The following DNMT3B variants were observed in gnomAD, a reference collection of about 807,000 sequenced individuals.
The protein encoded by DNMT3B is DNA (cytosine-5)-methyltransferase 3B.
Under a neutral mutation model 120.2 loss-of-function variants are expected in DNMT3B, and 37 were observed. The ratio of observed to expected loss-of-function variants is 0.31; its 90% CI spans 0.24 to 0.40. The LOEUF (loss-of-function observed/expected upper bound fraction) is 0.40. Ranked by LOEUF, DNMT3B falls within the 10% of genes least tolerant of loss-of-function variation. The probability of loss-of-function intolerance (pLI) is 1.00; values close to 1 mark genes in which losing one functional copy is unlikely to be tolerated. For synonymous variants in DNMT3B, 412 were observed against 442.8 expected, an observed-to-expected ratio of 0.93 and a Z score of 0.87; for missense variants, 878 against 1,137.3, an observed-to-expected ratio of 0.77 and a Z score of 3.28.
rs1296413124 is a variant in DNMT3B, at chr20:32,808,063, C to T, written c.*160C>T. ...TCAGTGGGGGCAGAGCCACCTGACT[C>T]TTGCAGGGGTAGCCTGAGGTGCCGC... On this transcript the variant is annotated 3_prime_UTR_variant, in exon 23 of 23. Transcript: ENST00000328111. 1.0e-5 allele frequency: 13 copies of T among 1,269,546 alleles called. No homozygotes were observed. The highest frequency in any genetic ancestry group is 2.6e-4 in the Middle Eastern group (1 of 3,774). The allele number at this position is 1,269,546 out of a possible 1,614,324, so 78.6% of individuals were successfully genotyped here. A position where few individuals can be genotyped will look rare whatever the true frequency, so the allele number is the denominator to read the frequency against.
At chr20:32,781,795 G>A (rs151175834) in intron 3 of DNMT3B, among the ~76,000 whole-genome samples, 1 of 152,290 alleles carries the variant, frequency 6.6e-6, no homozygotes, top group East Asian at 1.9e-4. Flanking sequence ...GTCCTGCCCA[G>A]GATCAGTCCT....
chr20:32,808,018 G>T lies in DNMT3B; in HGVS notation c.*115G>T, dbSNP rs575732121. On this transcript the variant is annotated 3_prime_UTR_variant, in exon 23 of 23. Coordinates refer to ENST00000328111, the MANE Select transcript of DNMT3B (RefSeq NM_006892.4). ...TCCTCAGCTGTGTGGGTCATACCGTGTACCTCAGTTCCCTCTTGCTCAGTG... is the reference window on the plus strand; with the variant it reads ...TCCTCAGCTGTGTGGGTCATACCGTTTACCTCAGTTCCCTCTTGCTCAGTG... 3 of 1,570,340 alleles carry T rather than the reference G, an allele frequency of 1.9e-6. No homozygotes were observed. In the South Asian group the frequency reaches 3.4e-5, roughly 18 times the overall value.
At chr20:32,780,737 G>A (rs1331003593) in intron 2 of DNMT3B, among the ~76,000 whole-genome samples, 1 of 152,112 alleles carries the variant, frequency 6.6e-6, no homozygotes, top group Non-Finnish European at 1.5e-5. Flanking sequence ...GACAGGGGTG[G>A]TCTCAGCATG....
intron 16 of DNMT3B, among the ~76,000 whole-genome samples, 165 bp downstream of exon 16, chr20:32,799,493 C>A (rs182926743): frequency 6.6e-6 from 1 of 152,274 alleles, no homozygotes; most frequent in African/African-American, 2.4e-5. Flanking sequence ...ACCTTCTCAA[C>A]CACCTTGCAG....
rs1268577906 is a variant in DNMT3B, at chr20:32,795,466, C to T, written c.1184C>T (p.Ala395Val). 1.9e-6 allele frequency: 3 copies of T among 1,614,202 alleles called. No individual in the cohort carries two copies. Among genetic ancestry groups the T allele is most frequent in the Non-Finnish European group, 2.5e-6 (3 of 1,180,040 alleles). ...DDSATSDYCP[A>V]PKRLKTNCYN... Reference sequence around the variant, plus strand: ...TCAGCCACCTCTGACTACTGCCCCGCACCCAAGCGCCTCAAGACAAATTGC... The same window carrying T: ...TCAGCCACCTCTGACTACTGCCCCGTACCCAAGCGCCTCAAGACAAATTGC... The change falls in exon 11 of 23, where the codon GCA (alanine) becomes GTA (valine). Residue 395 changes from alanine (A) to valine (V), a missense_variant. Ala to Val is a moderately conservative substitution (Grantham distance 64). This residue lies in a region of DNMT3B where 207 missense variants were observed against 222.6 expected (regional missense o/e 0.93). Transcript: ENST00000328111.
intron 1 of DNMT3B, among the ~76,000 whole-genome samples, chr20:32,770,217 A>C (rs1987634235): frequency 6.6e-6 from 1 of 151,862 alleles, no homozygotes; most frequent in Non-Finnish European, 1.5e-5. Context: ...GGTTCAAACG[A>C]TTCTTCTGCA....
intron 3 of DNMT3B, among the ~76,000 whole-genome samples, chr20:32,782,092 G>A (rs541369878): frequency 2.0e-5 from 3 of 152,136 alleles, no homozygotes; most frequent in Non-Finnish European, 4.4e-5. Flanking sequence ...TCTTCCAGCC[G>A]TGAAATCATG....
chr20:32,792,090 T>TTA (rs1291869533), intron 8 of DNMT3B, among the ~76,000 whole-genome samples: 1 of 152,100 alleles, frequency 6.6e-6, no homozygotes, highest in Non-Finnish European at 1.5e-5. Context: ...CTATGAACCA[T>TTA]TATACCCTGT....
At chr20:32,798,331 T>C in intron 14 of DNMT3B, 129 bp from the exon 15 acceptor site, 1 of 1,188,304 alleles carries the variant, frequency 8.4e-7, no homozygotes, top group Non-Finnish European at 1.2e-6. Flanking sequence ...CCGCAGGCTA[T>C]GCTGTTAAGC....
chr20:32,777,604 C>G (rs776731370), intron 1 of DNMT3B, among the ~76,000 whole-genome samples: 4 of 152,194 alleles, frequency 2.6e-5, no homozygotes, highest in Admixed American at 6.5e-5. Context: ...GAGGTGGACC[C>G]TCCTGGAGAC....
intron 7 of DNMT3B, 73 bp from the exon 8 acceptor site, chr20:32,791,528 G>T (rs963106876): frequency 7.0e-7 from 1 of 1,436,350 alleles, no homozygotes; most frequent in Non-Finnish European, 9.8e-7. Flanking sequence ...TGCATCTGAT[G>T]GACAACATTG....
chr20:32,773,583 T>TA, intron 1 of DNMT3B, among the ~76,000 whole-genome samples: 1 of 151,206 alleles, frequency 6.6e-6, no homozygotes, highest in East Asian at 2.0e-4. Context: ...TCACAGATTA[T>TA]AAAACTGGGG....
chr20:32,781,844 C>T (rs1429638129), intron 3 of DNMT3B, among the ~76,000 whole-genome samples: 1 of 152,206 alleles, frequency 6.6e-6, no homozygotes, highest in East Asian at 1.9e-4. Context: ...TGCTACCTGC[C>T]TGTTAGTCAC....
chr20:32,799,530 A>ATTTT (rs1364026003), intron 16 of DNMT3B, among the ~76,000 whole-genome samples: 1 of 151,454 alleles, frequency 6.6e-6, no homozygotes, highest in East Asian at 1.9e-4. Flanking sequence ...TTATTTATTT[A>ATTTT]TTTTTTCGAG....
chr20:32,795,767 A>G lies in DNMT3B; in HGVS notation c.1297+73A>G, dbSNP rs991833152. 1.9e-6 allele frequency: 3 copies of G among 1,586,046 alleles called. No homozygotes were observed. In the African/African-American group the frequency reaches 4.0e-5, roughly 21 times the overall value. ...CTCTAGGCCTGCCTTGTCCTGGCTCATCCACCCTGTCAGGGTTTAACCCAG... is the reference window on the plus strand; with the variant it reads ...CTCTAGGCCTGCCTTGTCCTGGCTCGTCCACCCTGTCAGGGTTTAACCCAG... On this transcript the variant is annotated intron_variant, in intron 12 of 22. Coordinates refer to ENST00000328111, the MANE Select transcript of DNMT3B (RefSeq NM_006892.4).
In DNMT3B at chr20:32,784,617, C is replaced by T. The variant is rs113929589; in HGVS notation, c.205-141C>T. On this transcript the variant is annotated intron_variant, in intron 3 of 22. Transcript: ENST00000328111. Reference sequence around the variant, plus strand: ...TGTCGTGGTTGGTCTGTGTCTGCACCCATATGCAGTGTGTTGTGATGAGTG... The same window carrying T: ...TGTCGTGGTTGGTCTGTGTCTGCACTCATATGCAGTGTGTTGTGATGAGTG... 3.1e-3 allele frequency: 2,660 copies of T among 859,856 alleles called. 50 individuals are homozygous for T. The African/African-American group carries it at 0.04, about 13-fold the overall frequency. 53.3% of individuals were successfully genotyped at this position (859,856 alleles called of 1,614,324 possible). A position where few individuals can be genotyped will look rare whatever the true frequency, so the allele number is the denominator to read the frequency against.
intron 14 of DNMT3B, 113 bp downstream of exon 14, chr20:32,797,412 C>A: frequency 3.9e-6 from 4 of 1,018,404 alleles, no homozygotes; most frequent in South Asian, 1.5e-5. Context: ...GAATAGGGAG[C>A]TAATTTGCCC....
chr20:32,780,450 A>G lies in DNMT3B; in HGVS notation c.127A>G (p.Thr43Ala). 6.2e-7 allele frequency: 1 copy of G among 1,612,790 alleles called. No individual in the cohort carries two copies. The highest frequency in any genetic ancestry group is 2.2e-5 in the East Asian group (1 of 44,858). Reference protein sequence around the residue: ...DSPPILEAIRTPEIRGRRSSS... With the variant: ...DSPPILEAIRAPEIRGRRSSS... ...GCCCCCAATCCTGGAGGCTATCCGC[A>G]CCCCGGAGATCAGAGGTGGCTGGGC... is the stretch of plus-strand genomic sequence containing the variant. Residue 43 changes from threonine to alanine, a missense_variant, in exon 2 of 23, where the codon ACC becomes GCC. Around this residue, in one of 4 missense-constraint regions of DNMT3B, gnomAD observed 287 missense variants for 306.2 expected, o/e 0.94. Coordinates refer to ENST00000328111, the MANE Select transcript of DNMT3B (RefSeq NM_006892.4).
chr20:32,805,100 C>A (rs1440485831), intron 20 of DNMT3B, among the ~76,000 whole-genome samples: 2 of 152,186 alleles, frequency 1.3e-5, no homozygotes, highest in Non-Finnish European at 2.9e-5. Context: ...CAATGGGAAC[C>A]TGACTTTGAA....
Sources: allele counts gnomAD v4.1 joint callset (sites outside exome capture counted in the v4.1 genomes callset), GRCh38; gene constraint gnomAD v4.1.1; regional missense constraint gnomAD v4.1.1; transcripts MANE v1.5; gene names NCBI Gene and HGNC (gene_info 2026-07-23, HGNC 2026-07-21).